Variants in CNST observed in about 807,000 individuals in gnomAD.
CNST encodes consortin.
Under a neutral mutation model 72.4 loss-of-function variants are expected in CNST, and 39 were observed. That is an observed-to-expected ratio of 0.54 (90% CI 0.42 to 0.70). The LOEUF is 0.70. Among genes scored for constraint, CNST ranks in the 30% least tolerant of loss-of-function variants. CNST has a pLI of 0.00. For synonymous variants in CNST, 332 were observed against 320.1 expected, an observed-to-expected ratio of 1.04 and a Z score of -0.40; for missense variants, 871 against 868.5, an observed-to-expected ratio of 1.00 and a Z score of -0.04.
chr1:246,571,451 A>G (rs556091402), intron 1 of CNST, among the ~76,000 whole-genome samples: 1 of 152,292 alleles, frequency 6.6e-6, no homozygotes, highest in Admixed American at 6.5e-5. Flanking sequence ...TGCCAGGCCA[A>G]ATGGTTTTTA....
intron 3 of CNST, among the ~76,000 whole-genome samples, chr1:246,626,497 G>A (rs924607104): frequency 1.8e-5 from 2 of 110,690 alleles, no homozygotes; most frequent in South Asian, 5.7e-4. Context: ...TCACTGTGTC[G>A]CCCAGGCTGG....
chr1:246,602,297 C>T (rs182287340), intron 2 of CNST, among the ~76,000 whole-genome samples: 3 of 152,328 alleles, frequency 2.0e-5, no homozygotes, highest in South Asian at 2.1e-4. Context: ...TGTATCATCT[C>T]GTGGTTTTTG....
chr1:246,591,854 G>T lies in CNST; in HGVS notation c.292G>T (p.Glu98Ter). 6.2e-7 allele frequency: 1 copy of T among 1,613,980 alleles called. No homozygotes were observed. The highest frequency in any genetic ancestry group is 8.5e-7 in the Non-Finnish European group (1 of 1,180,000). ...QNTLCEASRD[E>*]QAFLGKDKKI... is the part of the protein sequence containing the mutation. ...CACCCTTTGTGAAGCCTCCAGAGAT[G>T]AACAGGCCTTCTTGGGAAAGGACAA... Residue 98 changes from glutamate (E) to a stop codon, truncating the protein, a stop_gained, in exon 2 of 11, where the codon GAA (glutamate) becomes TAA (stop). Coordinates refer to ENST00000366513, the MANE Select transcript of CNST (RefSeq NM_152609.3). LOFTEE classifies it high-confidence loss of function.
At chr1:246,619,923 G>A (rs1663945753) in intron 2 of CNST, among the ~76,000 whole-genome samples, 1 of 137,260 alleles carries the variant, frequency 7.3e-6, no homozygotes, top group Non-Finnish European at 1.6e-5. Context: ...ACACACGATG[G>A]GCTCTGGGAA....
intron 2 of CNST, chr1:246,606,789 T>C (rs1447857980): frequency 3.9e-5 from 6 of 152,148 alleles, no homozygotes; most frequent in Non-Finnish European, 8.8e-5. Flanking sequence ...CCGAGGGTGT[T>C]GCCCGCCTGC....
intron 8 of CNST, 139 bp from the exon 9 acceptor site, chr1:246,647,000 A>G (rs939001009): frequency 4.1e-6 from 3 of 730,440 alleles, no homozygotes; most frequent in African/African-American, 3.6e-5. Flanking sequence ...ACCTAAAGAC[A>G]CTATTATGCA....
At chr1:246,595,095 G>A (rs568834467) in intron 2 of CNST, among the ~76,000 whole-genome samples, 1 of 152,136 alleles carries the variant, frequency 6.6e-6, no homozygotes, top group Non-Finnish European at 1.5e-5. Context: ...GTCTGCCCGG[G>A]CTGGCCATGG....
At position 246,634,323 on chromosome 1, in the gene CNST, A is replaced by G. The variant is rs544231315; in HGVS notation, c.704-150A>G. 3.6e-5 allele frequency: 21 copies of G among 576,358 alleles called. No homozygotes were observed. The East Asian group carries it at 5.5e-4, about 15-fold the overall frequency. The allele number at this position is 576,358 out of a possible 1,614,324, so 35.7% of individuals were successfully genotyped here. ...TGATATTTACTTATATTGAAAAGTAATAAGTTAGTTATTTCTAACTGTTGG... is the reference window on the plus strand; with the variant it reads ...TGATATTTACTTATATTGAAAAGTAGTAAGTTAGTTATTTCTAACTGTTGG... On this transcript the variant is annotated intron_variant, in intron 5 of 10. Transcript: ENST00000366513.
rs76489749 is a variant in CNST at position 246,598,615 on chromosome 1, G to A, written c.379+6674G>A. Among the ~76,000 whole-genome samples the A allele has an allele frequency of 4.6e-3, 696 of 152,048 alleles. 10 individuals carry two copies. Among genetic ancestry groups the A allele is most frequent in the African/African-American group, 0.016 (666 of 41,468 alleles). On this transcript the variant is annotated intron_variant, in intron 2 of 10. Transcript: ENST00000366513. ...ATTTGCATTTTTATATATTGACTTC[G>A]GCTATAGTAGAACATTGATAGCTGG...
intron 1 of CNST, among the ~76,000 whole-genome samples, chr1:246,574,917 T>C (rs1416836207): frequency 5.3e-5 from 8 of 152,000 alleles, no homozygotes; most frequent in African/African-American, 1.9e-4. Context: ...TAATAGATTA[T>C]GAAGGAAAGT....
intron 2 of CNST, among the ~76,000 whole-genome samples, chr1:246,608,931 C>T (rs1663113588): frequency 6.6e-6 from 1 of 152,180 alleles, no homozygotes. Context: ...CCTTATTTAA[C>T]CTTTTGCCAT....
At chr1:246,623,755 C>CT (rs1664241358) in intron 3 of CNST, among the ~76,000 whole-genome samples, 1 of 151,302 alleles carries the variant, frequency 6.6e-6, no homozygotes, top group Non-Finnish European at 1.5e-5. Flanking sequence ...GAGTGAGACT[C>CT]TGTCTCAAAA....
Position 246,591,518 on chromosome 1 carries a change from A to G in CNST, c.-45A>G. The G allele has an allele frequency of 1.9e-6, 3 of 1,603,762 alleles. No individual in the cohort carries two copies. The highest frequency in any genetic ancestry group is 4.5e-5 in the East Asian group (2 of 44,754). ...TTTCTTTTTGTCATTGTAGACATGG[A>G]AGGTCTTTAATGTAACTTTAAATGG... is the stretch of plus-strand genomic sequence containing the variant. On this transcript the variant is annotated 5_prime_UTR_variant, in exon 2 of 11. Transcript: ENST00000366513.
chr1:246,639,585 AG>A (rs1404232869), intron 6 of CNST, among the ~76,000 whole-genome samples: 1 of 152,244 alleles, frequency 6.6e-6, no homozygotes, highest in Admixed American at 6.5e-5. Flanking sequence ...AAAGACAGAT[AG>A]CATGGGCATG....
intron 8 of CNST, among the ~76,000 whole-genome samples, chr1:246,645,553 G>C (rs111837817): frequency 1.4e-5 from 2 of 148,038 alleles, no homozygotes; most frequent in African/African-American, 2.5e-5. Flanking sequence ...TCAGCCTCCC[G>C]AGTAGCTGGG....
At chr1:246,575,901 A>G (rs1345442792) in intron 1 of CNST, among the ~76,000 whole-genome samples, 1 of 152,098 alleles carries the variant, frequency 6.6e-6, no homozygotes, top group Non-Finnish European at 1.5e-5. Context: ...CAAGAACAAT[A>G]CTGACACTTT....
chr1:246,619,577 C>T (rs551915252), intron 2 of CNST, among the ~76,000 whole-genome samples: 1 of 152,256 alleles, frequency 6.6e-6, no homozygotes, highest in East Asian at 1.9e-4. Flanking sequence ...ATACCAGGTT[C>T]AGAGGAAAGT....
intron 6 of CNST, among the ~76,000 whole-genome samples, chr1:246,641,277 G>T (rs1665673030): frequency 1.3e-5 from 2 of 152,180 alleles, no homozygotes; most frequent in African/African-American, 4.8e-5. Flanking sequence ...GCATTTTTGT[G>T]TGTGCCTTTA....
intron 6 of CNST, 39 bp from the exon 7 acceptor site, chr1:246,641,710 A>T: frequency 8.5e-7 from 1 of 1,176,334 alleles, no homozygotes; most frequent in Non-Finnish European, 1.2e-6. Flanking sequence ...TGCTGCTGTA[A>T]TTTTTTTAAA....
Sources: allele counts gnomAD v4.1 joint callset (sites outside exome capture counted in the v4.1 genomes callset), GRCh38; gene constraint gnomAD v4.1.1; transcripts MANE v1.5; gene names NCBI Gene and HGNC (gene_info 2026-07-23, HGNC 2026-07-21).